Variants in SGSM1 observed in about 807,000 individuals in gnomAD.
SGSM1 encodes small G protein signaling modulator 1.
Under a neutral mutation model 133.8 loss-of-function variants are expected in SGSM1, and 73 were observed. The observed-to-expected ratio is 0.55, with a 90% CI of 0.45 to 0.66. The LOEUF (loss-of-function observed/expected upper bound fraction) is 0.66. SGSM1 is among the 30% of genes least tolerant of loss of function. SGSM1 has a pLI of 0.00. For missense variants in SGSM1, 1,213 were observed against 1,448.1 expected (o/e 0.84, Z 2.64); for synonymous variants, 563 against 573.0 (o/e 0.98, Z 0.25).
chr22:24,878,268 C>T (rs558730864), intron 13 of SGSM1, among the ~76,000 whole-genome samples: 5 of 152,254 alleles, frequency 3.3e-5, no homozygotes, highest in South Asian at 4.1e-4. Flanking sequence ...GCTGATGGTC[C>T]GTGGACCAGT....
chr22:24,840,912 G>A lies in SGSM1; in HGVS notation c.64-3985G>A, dbSNP rs111284606. Among the ~76,000 whole-genome samples the A allele has an allele frequency of 6.1e-3, 923 of 152,170 alleles. 6 individuals are homozygous for A. The highest frequency in any genetic ancestry group is 0.011 in the African/African-American group (467 of 41,532). ...TTCACCCAGGCCGGACTGCAGTGGC[G>A]CTATCTCGGCTCACTGCAAGCTCCG... On this transcript the variant is annotated intron_variant, in intron 2 of 24. Coordinates refer to ENST00000400358, the MANE Select transcript of SGSM1 (RefSeq NM_001098497.3).
chr22:24,855,008 G>C lies in SGSM1; in HGVS notation c.468G>C (p.Glu156Asp). ...YLVENSSKYY[E>D]KEALLMDPVD... ...CTCCTCTTGCTAGTAAATACTATGA[G>C]AAGGAAGCTCTCCTGATGGACCCTG... Residue 156 changes from glutamate to aspartate, a missense_variant, in exon 6 of 25, where the codon GAG (glutamate) becomes GAC (aspartate). Coordinates refer to ENST00000400358, the MANE Select transcript of SGSM1 (RefSeq NM_001098497.3). 6.2e-7 allele frequency: 1 copy of C among 1,613,414 alleles called. No individual in the cohort carries two copies. The highest frequency in any genetic ancestry group is 8.5e-7 in the Non-Finnish European group (1 of 1,179,752).
chr22:24,841,039 A>T (rs1362186088), intron 2 of SGSM1, among the ~76,000 whole-genome samples: 1 of 151,896 alleles, frequency 6.6e-6, no homozygotes, highest in Non-Finnish European at 1.5e-5. Context: ...TTTAGTAGAG[A>T]CGGGGTTTCA....
In SGSM1 at chr22:24,878,269, G is replaced by A. The variant is rs570585157; in HGVS notation, c.1431-1193G>A. Among the ~76,000 whole-genome samples, 11 of 152,268 alleles carry A rather than the reference G, an allele frequency of 7.2e-5. No homozygotes were observed. The South Asian group carries it at 2.1e-3, about 29-fold the overall frequency. On this transcript the variant is annotated intron_variant, in intron 13 of 24. Coordinates refer to ENST00000400358, the MANE Select transcript of SGSM1 (RefSeq NM_001098497.3). ...CAAGTAACTCTTGGGCTGATGGTCC[G>A]TGGACCAGTGAGAAAGGCTGCTATA...
chr22:24,851,628 A>G (rs562210589), intron 5 of SGSM1, among the ~76,000 whole-genome samples: 1 of 152,202 alleles, frequency 6.6e-6, no homozygotes, highest in African/African-American at 2.4e-5. Flanking sequence ...CCCCCTTCTC[A>G]TGAAGTTCAC....
At chr22:24,921,703 CTT>C (rs76823932) in intron 24 of SGSM1, among the ~76,000 whole-genome samples, 18 of 145,572 alleles carry the variant, frequency 1.2e-4, no homozygotes, top group East Asian at 4.0e-4. Context: ...ACATATGTAT[CTT>C]TTTTTTTTTT....
Position 24,806,270 on chromosome 22 carries a change from T to TACCGCCGCCACCGCC in SGSM1, c.-55_-41dup, listed in dbSNP as rs1555917380. 7.2e-7 allele frequency: 1 copy of TACCGCCGCCACCGCC among 1,397,288 alleles called. No individual in the cohort carries two copies. Among genetic ancestry groups the TACCGCCGCCACCGCC allele is most frequent in the Non-Finnish European group, 9.2e-7 (1 of 1,081,324 alleles). 86.6% of individuals were successfully genotyped at this position (1,397,288 alleles called of 1,614,324 possible). A position where few individuals can be genotyped will look rare whatever the true frequency, so the allele number is the denominator to read the frequency against. On this transcript the variant is annotated 5_prime_UTR_variant, in exon 1 of 25. Transcript: ENST00000400358. Reference sequence around the variant, plus strand: ...GCAGCAGCGCCGCGGCCGGAGGAGCTACCGCCGCCACCGCCGCCACCGCCT... The same window carrying TACCGCCGCCACCGCC: ...GCAGCAGCGCCGCGGCCGGAGGAGCTACCGCCGCCACCGCCACCGCCGCCACCGCCGCCACCGCCT...
At chr22:24,924,128 G>A (rs529068104) in intron 24 of SGSM1, 58 bp from the exon 25 acceptor site, 223 of 1,539,910 alleles carry the variant, frequency 1.4e-4, no homozygotes, top group Non-Finnish European at 1.9e-4. Flanking sequence ...GGCTGGAATT[G>A]TACCCTAAGA....
intron 2 of SGSM1, among the ~76,000 whole-genome samples, chr22:24,836,136 C>CCATT (rs1272541346): frequency 1.3e-5 from 2 of 152,134 alleles, no homozygotes; most frequent in Non-Finnish European, 2.9e-5. Context: ...CTGGCAACCA[C>CCATT]CATTCTCCTT....
intron 2 of SGSM1, among the ~76,000 whole-genome samples, chr22:24,807,150 G>A (rs1450096595): frequency 6.6e-6 from 1 of 152,092 alleles, no homozygotes; most frequent in Non-Finnish European, 1.5e-5. Flanking sequence ...GTCAGCGCGT[G>A]GAGAGGGGGG....
At chr22:24,883,052 C>T (rs1039383255) in intron 14 of SGSM1, among the ~76,000 whole-genome samples, 5 of 150,136 alleles carry the variant, frequency 3.3e-5, no homozygotes, top group Non-Finnish European at 5.9e-5. Flanking sequence ...TGCCGGCCAC[C>T]ATGAGCTAAT....
intron 14 of SGSM1, among the ~76,000 whole-genome samples, chr22:24,882,356 C>T (rs1323216962): frequency 6.6e-6 from 1 of 152,136 alleles, no homozygotes; most frequent in Non-Finnish European, 1.5e-5. Flanking sequence ...AGGCTTGAGG[C>T]ACTGTGCCCC....
intron 15 of SGSM1, among the ~76,000 whole-genome samples, chr22:24,885,051 G>A (rs1932522690): frequency 6.6e-6 from 1 of 152,038 alleles, no homozygotes; most frequent in Admixed American, 6.6e-5. Flanking sequence ...CTGGGTTCAA[G>A]CAATTCTCCT....
chr22:24,844,998 C>T, intron 3 of SGSM1, 26 bp downstream of exon 3: 2 of 1,610,842 alleles, frequency 1.2e-6, no homozygotes, highest in Non-Finnish European at 1.7e-6. Flanking sequence ...GGGAAAGTGG[C>T]TTCTTTCTCT....
At position 24,919,580 on chromosome 22, in the gene SGSM1, A is replaced by G. The variant is rs556290552; in HGVS notation, c.3026-246A>G. Among the ~76,000 whole-genome samples the G allele has an allele frequency of 3.2e-4, 48 of 152,300 alleles. No homozygotes were observed. In the South Asian group the frequency reaches 9.8e-3, roughly 31 times the overall value. Reference sequence around the variant, plus strand: ...CCACTTACAGAATGTCAGAGCTGGAAGGAACTTAGAACTCACCTGGCTTAC... The same window carrying G: ...CCACTTACAGAATGTCAGAGCTGGAGGGAACTTAGAACTCACCTGGCTTAC... On this transcript the variant is annotated intron_variant, in intron 23 of 24. Coordinates refer to ENST00000400358, the MANE Select transcript of SGSM1 (RefSeq NM_001098497.3).
chr22:24,887,952 G>T (rs1341783967), intron 16 of SGSM1, among the ~76,000 whole-genome samples: 2 of 152,204 alleles, frequency 1.3e-5, no homozygotes, highest in African/African-American at 4.8e-5. Flanking sequence ...GGCTAATGAA[G>T]TTGAAGGTCT....
At chr22:24,908,454 C>T (rs1398167890) in intron 21 of SGSM1, among the ~76,000 whole-genome samples, 1 of 152,072 alleles carries the variant, frequency 6.6e-6, no homozygotes, top group Non-Finnish European at 1.5e-5. Context: ...AAGTCATATG[C>T]GTGATAAAGG....
intron 21 of SGSM1, among the ~76,000 whole-genome samples, chr22:24,911,288 A>ATTT (rs1933608490): frequency 2.1e-5 from 2 of 95,284 alleles, no homozygotes; most frequent in South Asian, 4.0e-4. Context: ...ATAATTCCCC[A>ATTT]CTTTTTTTTT....
intron 22 of SGSM1, among the ~76,000 whole-genome samples, chr22:24,914,761 C>A (rs1167555049): frequency 1.3e-5 from 2 of 152,128 alleles, no homozygotes; most frequent in African/African-American, 4.8e-5. Flanking sequence ...TCGTCAACCA[C>A]GGGGCAGTTG....
Sources: gnomAD v4.1 joint callset for allele counts (sites outside exome capture counted in the v4.1 genomes callset) on GRCh38, gnomAD v4.1.1 for gene constraint, MANE v1.5 for transcripts, NCBI Gene and HGNC (gene_info 2026-07-23, HGNC 2026-07-21) for gene names.